The following DHX57 variants were observed in gnomAD, a reference collection of about 807,000 sequenced individuals.
The protein encoded by DHX57 is DExH-box helicase 57.
In DHX57, 105 loss-of-function variants were observed where a neutral mutation model predicts 156.2. The observed-to-expected ratio is 0.67, with a 90% confidence interval of 0.57 to 0.79. The LOEUF (loss-of-function observed/expected upper bound fraction) is 0.79. Ranked by LOEUF, DHX57 falls within the 30% of genes least tolerant of loss-of-function variation. DHX57 has a pLI of 0.00. For missense variants in DHX57, 1,847 were observed against 1,661.9 expected, an observed-to-expected ratio of 1.11 and a Z score of -1.94; for synonymous variants, 704 against 595.6, an observed-to-expected ratio of 1.18 and a Z score of -2.65.
chr2:38,874,934 C>T (rs907935751), intron 1 of DHX57, among the ~76,000 whole-genome samples: 27 of 152,110 alleles, frequency 1.8e-4, no homozygotes, highest in African/African-American at 6.3e-4. Flanking sequence ...AATAACAAAT[C>T]AGTTAGATTA....
intron 14 of DHX57, 95 bp from the exon 15 acceptor site, chr2:38,826,784 T>C: frequency 7.4e-7 from 1 of 1,354,074 alleles, no homozygotes; most frequent in Non-Finnish European, 1.0e-6. Context: ...CAATATGACT[T>C]CAGGTATTAG....
intron 19 of DHX57, 126 bp from the exon 20 acceptor site, chr2:38,815,781 T>A: frequency 1.7e-6 from 2 of 1,161,768 alleles, no homozygotes; most frequent in Non-Finnish European, 2.4e-6. Context: ...GTGGATTCAT[T>A]CCTCAGGTAT....
chr2:38,807,228 T>A (rs1264948821), intron 21 of DHX57, among the ~76,000 whole-genome samples: 1 of 151,994 alleles, frequency 6.6e-6, no homozygotes, highest in East Asian at 1.9e-4. Context: ...CTAATTTTTG[T>A]ATTTTTAGTA....
chr2:38,810,368 C>T, intron 21 of DHX57: 1 of 475,256 alleles, frequency 2.1e-6, no homozygotes, highest in Non-Finnish European at 4.1e-6. Flanking sequence ...ATTATCACAA[C>T]AATTAGTGCC....
intron 10 of DHX57, among the ~76,000 whole-genome samples, chr2:38,847,446 A>G (rs965634249): frequency 1.3e-5 from 2 of 152,222 alleles, no homozygotes; most frequent in East Asian, 1.9e-4. Flanking sequence ...AGCATTCCCT[A>G]TAACTAAAAC....
chr2:38,861,952 G>A (rs954584707), intron 4 of DHX57, 115 bp from the exon 5 acceptor site: 3 of 1,278,956 alleles, frequency 2.3e-6, no homozygotes, highest in Admixed American at 2.7e-5. Context: ...GGCAGGGCTT[G>A]TATTTTGAAA....
At position 38,815,584 on chromosome 2, in the gene DHX57, T is replaced by A. The variant is rs1354800474; in HGVS notation, c.3543A>T (p.Arg1181Ser). The change falls in exon 20 of 24, where the codon AGA becomes AGT. Residue 1181 changes from arginine (R) to serine (S), a missense_variant. Arg to Ser is a moderately radical substitution (Grantham distance 110, BLOSUM62 -1). Transcript: ENST00000457308. The part of the protein sequence containing the change: ...SDIGFAREGL[R>S]AREIEKRAQG... ...GGGCCCTTTTCTCAATTTCCCTTGCTCTGAGCCCTTCCCTTGCAAACCCTA... is the reference window on the plus strand; with the variant it reads ...GGGCCCTTTTCTCAATTTCCCTTGCACTGAGCCCTTCCCTTGCAAACCCTA... 6.2e-7 allele frequency: 1 copy of A among 1,614,160 alleles called. No individual in the cohort carries two copies. Among genetic ancestry groups the A allele is most frequent in the Non-Finnish European group, 8.5e-7 (1 of 1,180,038 alleles).
intron 21 of DHX57, among the ~76,000 whole-genome samples, chr2:38,812,960 G>A (rs1385728200): frequency 2.6e-5 from 4 of 151,552 alleles, no homozygotes; most frequent in African/African-American, 9.7e-5. Context: ...CAATTCTCCC[G>A]CCTCAGCCTC....
At chr2:38,842,038 AC>A (rs1422453121) in intron 12 of DHX57, among the ~76,000 whole-genome samples, 3 of 152,224 alleles carry the variant, frequency 2.0e-5, no homozygotes, top group Non-Finnish European at 4.4e-5. Flanking sequence ...CAAGGGAGAA[AC>A]CTAGCAAACA....
chr2:38,870,395 C>T (rs1665297321), intron 1 of DHX57, among the ~76,000 whole-genome samples: 1 of 152,150 alleles, frequency 6.6e-6, no homozygotes, highest in Admixed American at 6.5e-5. Flanking sequence ...AAAATAAACA[C>T]AGAGATGCAC....
At chr2:38,801,021 ATATAT>A (rs1490378239) in intron 23 of DHX57, among the ~76,000 whole-genome samples, 1 of 152,206 alleles carries the variant, frequency 6.6e-6, no homozygotes, top group Non-Finnish European at 1.5e-5. Context: ...GTTAAATAAA[ATATAT>A]TAAGATTAAT....
intron 13 of DHX57, among the ~76,000 whole-genome samples, chr2:38,835,743 T>C (rs750568453): frequency 9.9e-5 from 15 of 152,162 alleles, no homozygotes; most frequent in Admixed American, 2.0e-4. Context: ...ACGGTTGTTA[T>C]TGAAAAAGTG....
chr2:38,806,453 T>C (rs2148532510), intron 22 of DHX57, 106 bp downstream of exon 22: 1 of 1,262,704 alleles, frequency 7.9e-7, no homozygotes, highest in Non-Finnish European at 1.1e-6. Flanking sequence ...GTCAGTGGTA[T>C]TGCTGGGGAC....
chr2:38,857,437 T>C (rs1672958311), intron 6 of DHX57, among the ~76,000 whole-genome samples: 1 of 152,242 alleles, frequency 6.6e-6, no homozygotes. Flanking sequence ...AGGAACTTGC[T>C]ATTTCCTACA....
intron 5 of DHX57, among the ~76,000 whole-genome samples, chr2:38,859,631 T>C (rs1263790757): frequency 1.3e-5 from 2 of 152,180 alleles, no homozygotes; most frequent in African/African-American, 4.8e-5. Context: ...TCCCATGCGC[T>C]AGAAGCTGCC....
At chr2:38,807,955 T>G (rs1218522631) in intron 21 of DHX57, among the ~76,000 whole-genome samples, 3 of 116,306 alleles carry the variant, frequency 2.6e-5, no homozygotes, top group African/African-American at 1.0e-4. Flanking sequence ...CTTTTTTTTT[T>G]TTTTTTTTTT....
intron 12 of DHX57, among the ~76,000 whole-genome samples, chr2:38,841,948 T>G (rs1349571581): frequency 2.0e-5 from 3 of 152,222 alleles, no homozygotes; most frequent in Non-Finnish European, 2.9e-5. Flanking sequence ...CTAAAACTAT[T>G]GGGATATTAA....
chr2:38,800,286 G>A (rs369175543), intron 23 of DHX57, among the ~76,000 whole-genome samples: 10 of 151,808 alleles, frequency 6.6e-5, no homozygotes, highest in African/African-American at 1.9e-4. Flanking sequence ...CCCGGGAGGC[G>A]GAGGTTGCAG....
At chr2:38,815,092 G>A (rs898082853) in intron 20 of DHX57, among the ~76,000 whole-genome samples, 3 of 150,744 alleles carry the variant, frequency 2.0e-5, no homozygotes, top group Non-Finnish European at 3.0e-5. Flanking sequence ...TTTGAGACAG[G>A]GTTTGGCTCT....
Sources: gnomAD v4.1 joint callset for allele counts (sites outside exome capture counted in the v4.1 genomes callset) on GRCh38, gnomAD v4.1.1 for gene constraint, MANE v1.5 for transcripts, NCBI Gene and HGNC (gene_info 2026-07-23, HGNC 2026-07-21) for gene names.